The following FGFR2 variants were observed in gnomAD, a reference collection of about 807,000 sequenced individuals.
The protein encoded by FGFR2 is BEK fibroblast growth factor receptor.
In FGFR2, 19 loss-of-function variants were observed where a neutral mutation model predicts 95.9. The observed-to-expected ratio is 0.20, with a 90% confidence interval of 0.14 to 0.29. The LOEUF (loss-of-function observed/expected upper bound fraction) is 0.29. Ranked by LOEUF, FGFR2 falls within the 10% of genes least tolerant of loss-of-function variation. The pLI, the probability that FGFR2 is intolerant of heterozygous loss-of-function variation, is 1.00. For missense variants in FGFR2, 707 were observed against 1,056.9 expected, an observed-to-expected ratio of 0.67 and a Z score of 4.59; for synonymous variants, 392 against 393.3, an observed-to-expected ratio of 1.00 and a Z score of 0.04.
Position 121,580,352 on chromosome 10 carries a change from CA to C in FGFR2, c.109+13356del, listed in dbSNP as rs1273279394. On this transcript the variant is annotated intron_variant, in intron 2 of 17. Coordinates refer to ENST00000358487, the MANE Select transcript of FGFR2 (RefSeq NM_000141.5). ...TGTCCCCGCCTGATCCCCTCAGCAGCATCCCAGCCATTTGCAAATGAAGCAG... is the reference window on the plus strand; with the variant it reads ...TGTCCCCGCCTGATCCCCTCAGCAGCTCCCAGCCATTTGCAAATGAAGCAG... Among the ~76,000 whole-genome samples, 5 of 152,206 alleles carry C rather than the reference CA, an allele frequency of 3.3e-5. No individual in the cohort carries two copies. In the East Asian group the frequency reaches 7.7e-4, roughly 24 times the overall value.
intron 1 of FGFR2, among the ~76,000 whole-genome samples, chr10:121,596,245 C>A (rs1193978831): frequency 6.6e-6 from 1 of 152,204 alleles, no homozygotes; most frequent in South Asian, 2.1e-4. Flanking sequence ...GCCCGCCCCC[C>A]GGTCCATTTT....
chr10:121,531,062 C>T lies in FGFR2; in HGVS notation c.748+7530G>A, dbSNP rs1051167593. The stretch of plus-strand genomic sequence containing the variant: ...ATTAAATGCCAGACCAAATATTAGC[C>T]CTCTCTCCAGCCACCTCACCCAGGC... On this transcript the variant is annotated intron_variant, in intron 6 of 17. Transcript: ENST00000358487. This position sits in a 1 kb window ranked among gnomAD's most constrained non-coding sequence, Gnocchi z 4.5. Among the ~76,000 whole-genome samples the T allele has an allele frequency of 8.5e-5, 13 of 152,148 alleles. No homozygotes were observed. Among genetic ancestry groups the T allele is most frequent in the Non-Finnish European group, 1.2e-4 (8 of 68,028 alleles).
intron 10 of FGFR2, among the ~76,000 whole-genome samples, chr10:121,503,255 T>C (rs1464594176): frequency 6.6e-6 from 1 of 152,230 alleles, no homozygotes; most frequent in Non-Finnish European, 1.5e-5. Context: ...CACACCTCTG[T>C]ATCATCCAAC....
At chr10:121,490,610 A>T (rs1564864622) in intron 13 of FGFR2, among the ~76,000 whole-genome samples, 1 of 152,170 alleles carries the variant, frequency 6.6e-6, no homozygotes, top group Non-Finnish European at 1.5e-5. Context: ...AGACACAAAG[A>T]AGCAAATATC....
chr10:121,507,637 T>C (rs1037444648), intron 9 of FGFR2, among the ~76,000 whole-genome samples: 1 of 151,864 alleles, frequency 6.6e-6, no homozygotes, highest in Non-Finnish European at 1.5e-5. Flanking sequence ...AGCATTAATG[T>C]GATGATAAAA....
chr10:121,552,832 C>T lies in FGFR2; in HGVS notation c.455-1373G>A, dbSNP rs1056868468. Among the ~76,000 whole-genome samples the T allele has an allele frequency of 3.3e-5, 5 of 152,296 alleles. No homozygotes were observed. In the South Asian group the frequency reaches 6.2e-4, roughly 19 times the overall value. ...ACAGGGACTTGAACATTGTAGAAGG[C>T]TAATTCATAACTATGCTTATTTCTG... is the stretch of plus-strand genomic sequence containing the variant. On this transcript the variant is annotated intron_variant, in intron 4 of 17. Coordinates refer to ENST00000358487, the MANE Select transcript of FGFR2 (RefSeq NM_000141.5).
At chr10:121,515,923 G>T (rs954116824) in intron 8 of FGFR2, among the ~76,000 whole-genome samples, 1 of 150,740 alleles carries the variant, frequency 6.6e-6, no homozygotes, top group Admixed American at 6.6e-5. Context: ...AGATTGAATT[G>T]CTTATAATAT....
chr10:121,500,791 C>T lies in FGFR2; in HGVS notation c.1561+35G>A, dbSNP rs1242149324. ...AACTTTCTTGATAAGACTCTCCACC[C>T]AGCCCCTCCCCGAGCCTCCCGCCTC... On this transcript the variant is annotated intron_variant, in intron 11 of 17. Coordinates refer to ENST00000358487, the MANE Select transcript of FGFR2 (RefSeq NM_000141.5). The T allele has an allele frequency of 7.4e-6, 12 of 1,611,632 alleles. No homozygotes were observed. The Admixed American group carries it at 2.0e-4, about 27-fold the overall frequency.
At chr10:121,481,389 GACACACACACACACAC>G (rs71868012) in intron 17 of FGFR2, among the ~76,000 whole-genome samples, 3 of 149,900 alleles carry the variant, frequency 2.0e-5, no homozygotes, top group Admixed American at 1.3e-4. Context: ...CATTTTTAAA[GACACACACACACACAC>G]ACACACACAC....
At position 121,583,838 on chromosome 10, in the gene FGFR2, C is replaced by T. The variant is rs371378537; in HGVS notation, c.109+9871G>A. On this transcript the variant is annotated intron_variant, in intron 2 of 17. Transcript: ENST00000358487. ...ACATTCACCCAAAGACCTGGGCCCA[C>T]ACTCACTAATGATGAGGTCCTGGAG... is the stretch of plus-strand genomic sequence containing the variant. Among the ~76,000 whole-genome samples, 23 of 152,046 alleles carry T rather than the reference C, an allele frequency of 1.5e-4. No homozygotes were observed. In the South Asian group the frequency reaches 4.2e-3, roughly 27 times the overall value.
chr10:121,577,029 G>T (rs1564724943), intron 2 of FGFR2, among the ~76,000 whole-genome samples: 2 of 148,532 alleles, frequency 1.3e-5, no homozygotes, highest in African/African-American at 2.5e-5. Context: ...CAGCTACTCG[G>T]GAGGCTGAGG....
At chr10:121,567,126 CA>C (rs902480337) in intron 2 of FGFR2, among the ~76,000 whole-genome samples, 7 of 152,154 alleles carry the variant, frequency 4.6e-5, no homozygotes, top group African/African-American at 1.4e-4. Flanking sequence ...AGACACCCCT[CA>C]GAAGAACAAA....
intron 2 of FGFR2, among the ~76,000 whole-genome samples, chr10:121,570,967 C>A (rs1329994217): frequency 2.0e-5 from 3 of 152,144 alleles, no homozygotes; most frequent in African/African-American, 7.2e-5. Context: ...GAAGTACCAG[C>A]AGCGTGTTAG....
At position 121,598,129 on chromosome 10, in the gene FGFR2, C is replaced by G. The variant is rs41301547; in HGVS notation, c.-318G>C. The stretch of plus-strand genomic sequence containing the variant: ...TCCCGGGCTTCACGCGTACCCCAGG[C>G]TGCGGAGGAGCGCGGGCATGACGCC... On this transcript the variant is annotated 5_prime_UTR_variant, in exon 1 of 18. Coordinates refer to ENST00000358487, the MANE Select transcript of FGFR2 (RefSeq NM_000141.5). The G allele has an allele frequency of 0.012, 4,904 of 398,428 alleles. 212 individuals are homozygous for G. The highest frequency in any genetic ancestry group is 0.09 in the African/African-American group (4,404 of 48,732). 24.7% of individuals were successfully genotyped at this position (398,428 alleles called of 1,614,324 possible).
intron 9 of FGFR2, among the ~76,000 whole-genome samples, chr10:121,511,221 G>A (rs905249337): frequency 2.0e-5 from 3 of 151,704 alleles, no homozygotes; most frequent in Non-Finnish European, 4.4e-5. Flanking sequence ...CCATGCTGAC[G>A]GCAGTGAGAG....
rs374916963 is a variant in FGFR2 at position 121,484,422 on chromosome 10, A to G, written c.2196-619T>C. 2.6e-5 allele frequency among the ~76,000 whole-genome samples: 4 copies of G among 152,290 alleles called. 1 individual carries two copies. The highest frequency in any genetic ancestry group is 1.3e-4 in the Admixed American group (2 of 15,298). The stretch of plus-strand genomic sequence containing the variant: ...GGTTTCGACAGATCCTCTACGTTAC[A>G]AAAGAAAAAAAACAATAGGAATGAC... On this transcript the variant is annotated intron_variant, in intron 16 of 17. Coordinates refer to ENST00000358487, the MANE Select transcript of FGFR2 (RefSeq NM_000141.5).
At chr10:121,597,269 G>A (rs976611905) in intron 1 of FGFR2, among the ~76,000 whole-genome samples, 10 of 152,214 alleles carry the variant, frequency 6.6e-5, no homozygotes, top group African/African-American at 2.4e-4. Context: ...GAGCGCGCAA[G>A]TTAGAACTCG....
At chr10:121,592,845 G>A (rs558692361) in intron 2 of FGFR2, among the ~76,000 whole-genome samples, 4 of 152,234 alleles carry the variant, frequency 2.6e-5, no homozygotes, top group African/African-American at 9.6e-5. Flanking sequence ...GGGATCTGCC[G>A]TTTTATTCTC....
At chr10:121,565,750 GGA>G (rs746619877) in intron 2 of FGFR2, 46 bp from the exon 3 acceptor site, 1 of 1,612,088 alleles carries the variant, frequency 6.2e-7, no homozygotes, top group African/African-American at 1.3e-5. Flanking sequence ...TGGGAAGGAG[GGA>G]GAGGAGAGAA....
Sources: allele counts gnomAD v4.1 joint callset (sites outside exome capture counted in the v4.1 genomes callset), GRCh38; gene constraint gnomAD v4.1.1; non-coding constraint Gnocchi (gnomAD v3.1); transcripts MANE v1.5; gene names NCBI Gene and HGNC (gene_info 2026-07-23, HGNC 2026-07-21).